The following UGT2A2 variants were observed in gnomAD, a reference collection of about 807,000 sequenced individuals.
UGT2A2 encodes the protein UDP-glucuronosyltransferase 2A2.
A neutral mutation model predicts 50.7 loss-of-function variants in UGT2A2; 60 were observed. The observed-to-expected ratio is 1.18, with a 90% confidence interval of 0.96 to 1.47. UGT2A2 has a LOEUF of 1.47. Ranked by LOEUF, UGT2A2 falls within the 40% of genes most tolerant of loss-of-function variation. The pLI, the probability that UGT2A2 is intolerant of heterozygous loss-of-function variation, is 0.00. For synonymous variants in UGT2A2, 242 were observed against 214.6 expected (o/e 1.13, Z -1.11); for missense variants, 762 against 634.0 (o/e 1.20, Z -2.17).
At chr4:69,594,269 C>T (rs1050657588) in intron 5 of UGT2A2, among the ~76,000 whole-genome samples, 8 of 152,166 alleles carry the variant, frequency 5.3e-5, no homozygotes, top group Middle Eastern at 3.4e-3. Context: ...CCACTGCGCC[C>T]GGCCAATATT....
chr4:69,617,704 A>G (rs1266270542), intron 1 of UGT2A2, among the ~76,000 whole-genome samples: 2 of 151,942 alleles, frequency 1.3e-5, no homozygotes, highest in Admixed American at 6.6e-5. Flanking sequence ...CTAAAATAAT[A>G]TAAATTATTA....
At chr4:69,605,858 C>G (rs1577959445) in intron 1 of UGT2A2, among the ~76,000 whole-genome samples, 2 of 136,608 alleles carry the variant, frequency 1.5e-5, no homozygotes, top group African/African-American at 5.9e-5. Context: ...GTACACCCTC[C>G]CAAGACTAAA....
chr4:69,608,990 C>T (rs913448869), intron 1 of UGT2A2, among the ~76,000 whole-genome samples: 1 of 152,008 alleles, frequency 6.6e-6, no homozygotes, highest in African/African-American at 2.4e-5. Context: ...TCCTCAGGAA[C>T]ATAAAGAAAA....
At chr4:69,632,977 A>G (rs947481234) in intron 1 of UGT2A2, among the ~76,000 whole-genome samples, 1 of 152,142 alleles carries the variant, frequency 6.6e-6, no homozygotes, top group African/African-American at 2.4e-5. Context: ...TGGCTTACAA[A>G]CCGGACGTGG....
At chr4:69,600,101 A>C (rs1719181553) in intron 1 of UGT2A2, among the ~76,000 whole-genome samples, 1 of 152,202 alleles carries the variant, frequency 6.6e-6, no homozygotes, top group Non-Finnish European at 1.5e-5. Flanking sequence ...GCAGCAGCCT[A>C]TCCTGTGAGC....
chr4:69,626,645 A>G (rs1721075184), intron 1 of UGT2A2, among the ~76,000 whole-genome samples: 1 of 146,338 alleles, frequency 6.8e-6, no homozygotes, highest in Admixed American at 6.8e-5. Context: ...AAAGCAGAAG[A>G]TAAAAAATAA....
intron 5 of UGT2A2, among the ~76,000 whole-genome samples, chr4:69,590,661 T>TGTG (rs1718542530): frequency 7.4e-6 from 1 of 134,758 alleles, no homozygotes; most frequent in African/African-American, 2.7e-5. Context: ...GTGTGTGTGT[T>TGTG]TGTGTGTCTG....
rs1473738643 is a variant in UGT2A2 at position 69,602,101 on chromosome 4, AT to A, written c.743-2708del. Among the ~76,000 whole-genome samples, 5 of 137,332 alleles carry A rather than the reference AT, an allele frequency of 3.6e-5. No homozygotes were observed. The South Asian group carries it at 1.2e-3, about 33-fold the overall frequency. 90.1% of individuals were successfully genotyped at this position (137,332 alleles called of 152,430 possible). A position where few individuals can be genotyped will look rare whatever the true frequency, so the allele number is the denominator to read the frequency against. On this transcript the variant is annotated intron_variant, in intron 1 of 5. Transcript: ENST00000604629. ...AAATCTAGTAATATTTTAACAAAAG[AT>A]ATGAAAAAGTTGGACTCATTATAGT...
chr4:69,590,300 C>G (rs1718514102), intron 5 of UGT2A2, among the ~76,000 whole-genome samples: 1 of 152,194 alleles, frequency 6.6e-6, no homozygotes, highest in Non-Finnish European at 1.5e-5. Context: ...AGCTCTAAAT[C>G]AACTTGCCAT....
intron 1 of UGT2A2, among the ~76,000 whole-genome samples, chr4:69,638,023 A>G (rs1327502668): frequency 6.6e-5 from 10 of 150,658 alleles, no homozygotes; most frequent in Admixed American, 2.0e-4. Context: ...AAGGAAGGAA[A>G]GAAGGAAGGA....
At chr4:69,631,105 A>G (rs932822479) in intron 1 of UGT2A2, among the ~76,000 whole-genome samples, 1 of 152,154 alleles carries the variant, frequency 6.6e-6, no homozygotes, top group Non-Finnish European at 1.5e-5. Context: ...AATCAGTGAT[A>G]GCTATCTCAA....
chr4:69,599,533 A>G (rs1372343802), intron 1 of UGT2A2, 139 bp from the exon 2 acceptor site: 2 of 1,216,738 alleles, frequency 1.6e-6, no homozygotes, highest in African/African-American at 1.6e-5. Flanking sequence ...TCATGTTTAT[A>G]TATTAAGAAG....
At chr4:69,599,460 G>T in intron 1 of UGT2A2, 66 bp from the exon 2 acceptor site, 1 of 1,579,524 alleles carries the variant, frequency 6.3e-7, no homozygotes, top group Non-Finnish European at 8.5e-7. Flanking sequence ...AGAAAAAAAA[G>T]CTACCAGTAA....
intron 1 of UGT2A2, among the ~76,000 whole-genome samples, chr4:69,602,625 C>G (rs1719361949): frequency 1.5e-5 from 2 of 137,102 alleles, no homozygotes; most frequent in South Asian, 4.7e-4. Flanking sequence ...AATTTCTGTG[C>G]ACAAGTAAAC....
chr4:69,630,973 A>G (rs958433091), intron 1 of UGT2A2, among the ~76,000 whole-genome samples: 4 of 152,142 alleles, frequency 2.6e-5, no homozygotes, highest in African/African-American at 9.7e-5. Context: ...AAATGTTATT[A>G]ATAACTTGAA....
intron 1 of UGT2A2, chr4:69,635,752 G>C (rs955374824): frequency 9.0e-6 from 2 of 221,486 alleles, no homozygotes; most frequent in Non-Finnish European, 1.9e-5. Flanking sequence ...GCTTGAACCC[G>C]GGAAGCAGAG....
rs530452082 is a variant in UGT2A2, at chr4:69,606,047, G to A, written c.743-6653C>T. ...GAAACTATTCCAAGCAATAGAAAAAGAGGGAATCCTCCTTAAATCATTTTA... is the reference window on the plus strand; with the variant it reads ...GAAACTATTCCAAGCAATAGAAAAAAAGGGAATCCTCCTTAAATCATTTTA... On this transcript the variant is annotated intron_variant, in intron 1 of 5. Transcript: ENST00000604629. Among the ~76,000 whole-genome samples, 3 of 136,922 alleles carry A rather than the reference G, an allele frequency of 2.2e-5. 1 individual carries two copies. The highest frequency in any genetic ancestry group is 4.7e-5 in the Non-Finnish European group (3 of 64,370). The allele number at this position is 136,922 out of a possible 152,430, so 89.8% of individuals were successfully genotyped here.
intron 5 of UGT2A2, among the ~76,000 whole-genome samples, chr4:69,592,191 T>C (rs536474436): frequency 3.3e-4 from 50 of 152,292 alleles, no homozygotes; most frequent in African/African-American, 1.2e-3. Flanking sequence ...CATCCGAGTT[T>C]ACCTTCTCCT....
chr4:69,589,855 T>C (rs2109870540), intron 5 of UGT2A2, among the ~76,000 whole-genome samples: 1 of 152,304 alleles, frequency 6.6e-6, no homozygotes, highest in African/African-American at 2.4e-5. Context: ...CTTAACACAG[T>C]ATGATCAAAT....
Sources: allele counts gnomAD v4.1 joint callset (sites outside exome capture counted in the v4.1 genomes callset), GRCh38; gene constraint gnomAD v4.1.1; transcripts MANE v1.5; gene names NCBI Gene and HGNC (gene_info 2026-07-23, HGNC 2026-07-21).